EXTL3: variants seen among roughly 807,000 people sequenced by gnomAD.
EXTL3 encodes exostosin-like 3.
A neutral mutation model predicts 69.3 loss-of-function variants in EXTL3; 27 were observed. That is an observed-to-expected ratio of 0.39 (90% CI 0.29 to 0.54). The LOEUF is 0.54. Among genes scored for constraint, EXTL3 ranks in the 20% least tolerant of loss-of-function variants. The pLI is 0.69. For missense variants in EXTL3, 1,003 were observed against 1,231.8 expected (o/e 0.81, Z 2.78); for synonymous variants, 511 against 499.4 (o/e 1.02, Z -0.31).
At chr8:28,749,980 A>G (rs771454174) in intron 6 of EXTL3, among the ~76,000 whole-genome samples, 2 of 152,140 alleles carry the variant, frequency 1.3e-5, no homozygotes, top group African/African-American at 2.4e-5. Flanking sequence ...TCACCAGGTA[A>G]TTTCATTTCT....
At chr8:28,696,893 G>A (rs1800694410), upstream of EXTL3, 2 of 152,144 alleles carry the variant, frequency 1.3e-5, no homozygotes, top group African/African-American at 4.8e-5. Context: ...ACCTCTGATG[G>A]ACATCTGGGT....
chr8:28,636,132 ACCAC>A (rs1447512298), intron 1 of EXTL3, among the ~76,000 whole-genome samples: 1 of 152,018 alleles, frequency 6.6e-6, no homozygotes, highest in African/African-American at 2.4e-5. Flanking sequence ...GGAGTTCAAG[ACCAC>A]CCTGGGCAAC....
At chr8:28,700,531 GTTC>G (rs1800764366), upstream of EXTL3, 1 of 152,158 alleles carries the variant, frequency 6.6e-6, no homozygotes, top group Non-Finnish European at 1.5e-5. Context: ...CTGGGGTGCA[GTTC>G]TTCTTAAGGC....
intron 2 of EXTL3, among the ~76,000 whole-genome samples, chr8:28,609,520 G>A (rs973940571): frequency 9.2e-5 from 14 of 151,992 alleles, no homozygotes; most frequent in African/African-American, 3.4e-4. Context: ...AGATGAGGAT[G>A]CCTGAAGGAG....
At chr8:28,668,798 G>A (rs1429859370) in intron 1 of EXTL3, among the ~76,000 whole-genome samples, 3 of 150,716 alleles carry the variant, frequency 2.0e-5, no homozygotes, top group Non-Finnish European at 2.9e-5. Flanking sequence ...CCTAGGCTTG[G>A]CATCTGGCAA....
chr8:28,643,144 T>C (rs1806770842), intron 1 of EXTL3, among the ~76,000 whole-genome samples: 1 of 152,090 alleles, frequency 6.6e-6, no homozygotes, highest in Non-Finnish European at 1.5e-5. Flanking sequence ...CTCAAGAGGC[T>C]GAGGCAGAAG....
chr8:28,628,763 C>T (rs1174797482), intron 1 of EXTL3, among the ~76,000 whole-genome samples: 2 of 152,148 alleles, frequency 1.3e-5, no homozygotes, highest in Non-Finnish European at 2.9e-5. Flanking sequence ...AAGCAATTCT[C>T]CTGCCTCAGC....
intron 1 of EXTL3, among the ~76,000 whole-genome samples, chr8:28,638,441 C>T (rs776018885): frequency 1.3e-5 from 2 of 152,198 alleles, no homozygotes; most frequent in Non-Finnish European, 2.9e-5. Context: ...TCGTCATGCT[C>T]AGCCTCCCTC....
intron 1 of EXTL3, among the ~76,000 whole-genome samples, chr8:28,702,180 A>G (rs978563050): frequency 1.3e-5 from 2 of 151,752 alleles, no homozygotes; most frequent in Non-Finnish European, 2.9e-5. Context: ...TTCTACACGC[A>G]GTCGCCTGCT....
intron 4 of EXTL3, among the ~76,000 whole-genome samples, chr8:28,732,883 T>C (rs1422762839): frequency 6.6e-6 from 1 of 152,080 alleles, no homozygotes; most frequent in Non-Finnish European, 1.5e-5. Context: ...ACCACCACCA[T>C]GCCAAGCTAA....
At chr8:28,708,426 CTTTTTTTT>C (rs71549693) in intron 1 of EXTL3, among the ~76,000 whole-genome samples, 1 of 118,750 alleles carries the variant, frequency 8.4e-6, no homozygotes, top group East Asian at 2.5e-4. Flanking sequence ...TGGGAAGTGC[CTTTTTTTT>C]TTTTTTTTTT....
chr8:28,716,824 G>T lies in EXTL3; in HGVS notation c.765G>T (p.Glu255Asp). Residue 255 changes from glutamate (E) to aspartate (D), a missense_variant, in exon 3 of 7, where the codon GAG becomes GAT. Around this residue, in one of 2 missense-constraint regions of EXTL3, gnomAD observed 742 missense variants for 815.4 expected, o/e 0.91. Coordinates refer to ENST00000220562, the MANE Select transcript of EXTL3 (RefSeq NM_001440.4). The surrounding 1 kb of genome is among the most constrained non-coding windows in gnomAD (Gnocchi z 7.1). ...MQEPVVLRPA[E>D]LEKQLYSLPH... ...AGCCGGTGGTGCTGCGGCCTGCTGA[G>T]CTGGAGAAGCAGTTGTATTCCCTGC... 1 of 1,614,164 alleles carries T rather than the reference G, an allele frequency of 6.2e-7. No individual in the cohort carries two copies. The highest frequency in any genetic ancestry group is 8.5e-7 in the Non-Finnish European group (1 of 1,180,030).
intron 1 of EXTL3, among the ~76,000 whole-genome samples, chr8:28,668,468 A>G (rs530243845): frequency 1.3e-5 from 2 of 150,948 alleles, no homozygotes; most frequent in Non-Finnish European, 2.9e-5. Context: ...AGTAGCTGGG[A>G]TTACAGCCAC....
chr8:28,693,535 A>G (rs1049098299), intron 1 of EXTL3, among the ~76,000 whole-genome samples: 2 of 152,234 alleles, frequency 1.3e-5, no homozygotes, highest in Non-Finnish European at 1.5e-5. Flanking sequence ...ATGGCAAGGC[A>G]GAGAATACTA....
chr8:28,612,746 T>G (rs1172188197), intron 2 of EXTL3, among the ~76,000 whole-genome samples: 1 of 152,128 alleles, frequency 6.6e-6, no homozygotes, highest in Non-Finnish European at 1.5e-5. Context: ...TTAGACAGTG[T>G]CTTGCTTTGT....
intron 1 of EXTL3, among the ~76,000 whole-genome samples, chr8:28,654,491 A>G (rs1250246167): frequency 6.6e-6 from 1 of 151,968 alleles, no homozygotes; most frequent in East Asian, 1.9e-4. Context: ...CAATTCTCCT[A>G]CCTTGGCCAC....
chr8:28,672,213 C>T (rs553199416), intron 1 of EXTL3, among the ~76,000 whole-genome samples: 26 of 151,960 alleles, frequency 1.7e-4, no homozygotes, highest in Admixed American at 3.3e-4. Context: ...GTCAGGAGAT[C>T]GAGACCATCC....
intron 1 of EXTL3, among the ~76,000 whole-genome samples, 188 bp from the exon 2 acceptor site, chr8:28,713,269 T>TAGTCTCCCTTTCCACTTCAAAG (rs1206278410): frequency 1.3e-5 from 2 of 152,226 alleles, no homozygotes; most frequent in Non-Finnish European, 2.9e-5. Context: ...TATTTATTAA[T>TAGTCTCCCTTTCCACTTCAAAG]AGTCTCCCTT....
chr8:28,608,969 G>T (rs1261129326), intron 2 of EXTL3, among the ~76,000 whole-genome samples: 1 of 152,084 alleles, frequency 6.6e-6, no homozygotes, highest in East Asian at 1.9e-4. Flanking sequence ...AAATAAAATG[G>T]CCTAACAGTG....
Sources: gnomAD v4.1 joint callset for allele counts (sites outside exome capture counted in the v4.1 genomes callset) on GRCh38, gnomAD v4.1.1 for gene constraint, gnomAD v4.1.1 regional missense constraint, Gnocchi (gnomAD v3.1) non-coding constraint, MANE v1.5 for transcripts, NCBI Gene and HGNC (gene_info 2026-07-23, HGNC 2026-07-21) for gene names.